The following TBC1D8 variants were observed in gnomAD, a reference collection of about 807,000 sequenced individuals.
The protein encoded by TBC1D8 is BUB2-like protein 1.
A neutral mutation model predicts 118.8 loss-of-function variants in TBC1D8; 65 were observed. The observed-to-expected ratio is 0.55, with a 90% CI of 0.45 to 0.67. The LOEUF (loss-of-function observed/expected upper bound fraction) is 0.67, where lower values mean the gene tolerates loss of function less well. Ranked by LOEUF, TBC1D8 falls within the 30% of genes least tolerant of loss-of-function variation. TBC1D8 has a pLI of 0.00. For missense variants in TBC1D8, 1,376 were observed against 1,471.2 expected, an observed-to-expected ratio of 0.94 and a Z score of 1.06; for synonymous variants, 566 against 595.8, an observed-to-expected ratio of 0.95 and a Z score of 0.73.
chr2:101,112,812 T>G (rs1222343147), intron 1 of TBC1D8, among the ~76,000 whole-genome samples: 8 of 152,174 alleles, frequency 5.3e-5, no homozygotes, highest in Non-Finnish European at 1.5e-5. Flanking sequence ...CCCTAACTCA[T>G]GAAGACTAGA....
chr2:101,134,793 T>C (rs1225792696), intron 1 of TBC1D8, among the ~76,000 whole-genome samples: 1 of 152,230 alleles, frequency 6.6e-6, no homozygotes. Flanking sequence ...ACACATTCAA[T>C]CCACAACATA....
intron 1 of TBC1D8, chr2:101,110,086 A>C: frequency 1.1e-6 from 1 of 919,452 alleles, no homozygotes; most frequent in Non-Finnish European, 1.3e-6. Context: ...GATAGATGTC[A>C]AGTGACAAGT....
chr2:101,141,170 T>C (rs1679083397), intron 1 of TBC1D8, among the ~76,000 whole-genome samples: 1 of 152,148 alleles, frequency 6.6e-6, no homozygotes, highest in East Asian at 1.9e-4. Context: ...ACCCCAGTTA[T>C]GCAATAATTT....
intron 2 of TBC1D8, among the ~76,000 whole-genome samples, chr2:101,070,527 C>T (rs1683255842): frequency 6.6e-6 from 1 of 151,984 alleles, no homozygotes; most frequent in South Asian, 2.1e-4. Flanking sequence ...ATTCTCCTGC[C>T]TCAGCCTCCC....
intron 14 of TBC1D8, 59 bp from the exon 15 acceptor site, chr2:101,027,510 G>C: frequency 1.3e-6 from 2 of 1,493,524 alleles, no homozygotes; most frequent in South Asian, 2.3e-5. Flanking sequence ...CCAGGGGTCA[G>C]GGCAAGAGGG....
intron 2 of TBC1D8, among the ~76,000 whole-genome samples, chr2:101,078,461 C>T (rs13414756): frequency 0.13 from 20,088 of 152,010 alleles, 1,450 homozygotes; most frequent in Non-Finnish European, 0.16. Flanking sequence ...TTAACTTTAT[C>T]GGTTTAGTGA....
chr2:101,123,523 G>A (rs764724193), intron 1 of TBC1D8, among the ~76,000 whole-genome samples: 9 of 152,022 alleles, frequency 5.9e-5, no homozygotes, highest in East Asian at 1.9e-4. Context: ...CAGTGTGCAC[G>A]GCTAAGTCAT....
intron 2 of TBC1D8, among the ~76,000 whole-genome samples, chr2:101,083,920 T>G (rs561182975): frequency 6.6e-6 from 1 of 152,336 alleles, no homozygotes; most frequent in African/African-American, 2.4e-5. Context: ...CCTAAGGATC[T>G]AAATTGATAC....
intron 5 of TBC1D8, among the ~76,000 whole-genome samples, chr2:101,041,440 A>G (rs771713262): frequency 5.9e-5 from 9 of 152,210 alleles, no homozygotes; most frequent in Middle Eastern, 3.2e-3. Context: ...ACACAAAAAG[A>G]CGACATACTG....
chr2:101,014,535 T>C (rs1558619431), intron 17 of TBC1D8, among the ~76,000 whole-genome samples: 1 of 152,248 alleles, frequency 6.6e-6, no homozygotes, highest in Non-Finnish European at 1.5e-5. Flanking sequence ...TTAGAATGAC[T>C]GTTTTTTCCC....
At chr2:101,095,391 T>A (rs1467781069) in intron 1 of TBC1D8, among the ~76,000 whole-genome samples, 1 of 137,638 alleles carries the variant, frequency 7.3e-6, no homozygotes, top group Admixed American at 7.1e-5. Context: ...CCTAATGCTA[T>A]CTCCCCCCCC....
intron 1 of TBC1D8, among the ~76,000 whole-genome samples, chr2:101,106,141 A>G (rs1677199289): frequency 6.6e-6 from 1 of 152,238 alleles, no homozygotes; most frequent in African/African-American, 2.4e-5. Context: ...ATACTGTATG[A>G]TTCCAATTAT....
rs1573910984 is a variant in TBC1D8, at chr2:101,036,274, G to A, written c.1453-106C>T. The A allele has an allele frequency of 2.3e-6, 3 of 1,317,668 alleles. No homozygotes were observed. The African/African-American group carries it at 4.4e-5, about 19-fold the overall frequency. The allele number at this position is 1,317,668 out of a possible 1,614,324, so 81.6% of individuals were successfully genotyped here. A position where few individuals can be genotyped will look rare whatever the true frequency, so the allele number is the denominator to read the frequency against. On this transcript the variant is annotated intron_variant, in intron 8 of 19. Coordinates refer to ENST00000409318, the MANE Select transcript of TBC1D8 (RefSeq NM_001330348.2). ...GGAAGTACTGCCCCTGCTCTCCGAG[G>A]GGCCAACAGCAACGGGCAAGGACAC... is the stretch of plus-strand genomic sequence containing the variant.
In TBC1D8 at chr2:101,028,389, C is replaced by G. The variant is rs1382833952; in HGVS notation, c.2266G>C (p.Val756Leu). The G allele has an allele frequency of 6.2e-7, 1 of 1,608,486 alleles. No homozygotes were observed. Among genetic ancestry groups the G allele is most frequent in the South Asian group, 1.1e-5 (1 of 89,998 alleles). The change falls in exon 13 of 20, where the codon GTT (valine) becomes CTT (leucine). Residue 756 changes from valine to leucine, a missense_variant. Physicochemically the swap from Val to Leu is conservative, Grantham distance 32. Coordinates refer to ENST00000409318, the MANE Select transcript of TBC1D8 (RefSeq NM_001330348.2). The stretch of plus-strand genomic sequence containing the variant: ...GAGAAAAAGGCATGGTGGCTGCCAA[C>G]TGGGGGCCCTGGGCTGTCCTCATTC... ...IKNEDSPGPP[V>L]GSHHAFFSDD...
At chr2:101,070,752 G>T (rs1683268725) in intron 2 of TBC1D8, among the ~76,000 whole-genome samples, 1 of 152,146 alleles carries the variant, frequency 6.6e-6, no homozygotes, top group African/African-American at 2.4e-5. Flanking sequence ...CTATTCTGTA[G>T]TCAGCTAAGC....
chr2:101,066,182 G>T (rs1245385843), intron 2 of TBC1D8, among the ~76,000 whole-genome samples: 2 of 152,128 alleles, frequency 1.3e-5, no homozygotes, highest in Non-Finnish European at 2.9e-5. Context: ...TACTCAGGAG[G>T]CTGAGGCAAG....
At chr2:101,117,584 T>A (rs1378780633) in intron 1 of TBC1D8, among the ~76,000 whole-genome samples, 1 of 147,880 alleles carries the variant, frequency 6.8e-6, no homozygotes. Flanking sequence ...TTTTTTTTTT[T>A]TTTTTTTGAG....
At chr2:101,084,950 G>A (rs569402502) in intron 2 of TBC1D8, among the ~76,000 whole-genome samples, 31 of 149,926 alleles carry the variant, frequency 2.1e-4, no homozygotes, top group East Asian at 1.6e-3. Context: ...CTGGGTTCAC[G>A]CCATTCTCCT....
At chr2:101,037,830 G>A in intron 7 of TBC1D8, 122 bp from the exon 8 acceptor site, 2 of 1,231,694 alleles carry the variant, frequency 1.6e-6, no homozygotes, top group South Asian at 2.6e-5. Flanking sequence ...CAATGACTCA[G>A]GGGGAAGACA....
Sources: allele counts gnomAD v4.1 joint callset (sites outside exome capture counted in the v4.1 genomes callset), GRCh38; gene constraint gnomAD v4.1.1; transcripts MANE v1.5; gene names NCBI Gene and HGNC (gene_info 2026-07-23, HGNC 2026-07-21).